The following ADAMTS3 variants were observed in gnomAD, a reference collection of about 807,000 sequenced individuals.
ADAMTS3 encodes the protein A disintegrin and metalloproteinase with thrombospondin motifs 3.
Under a neutral mutation model 129.0 loss-of-function variants are expected in ADAMTS3, and 73 were observed. That is an observed-to-expected ratio of 0.57 (90% CI 0.47 to 0.69). The LOEUF (loss-of-function observed/expected upper bound fraction) is 0.69, where lower values mean the gene tolerates loss of function less well. Among genes scored for constraint, ADAMTS3 ranks in the 30% least tolerant of loss-of-function variants. ADAMTS3 has a pLI of 0.00. For missense variants in ADAMTS3, 1,457 were observed against 1,514.5 expected (o/e 0.96, Z 0.63); for synonymous variants, 477 against 510.8 (o/e 0.93, Z 0.89).
rs552319413 is a variant in ADAMTS3 at position 72,522,803 on chromosome 4, T to C, written c.504+25675A>G. ...AAATGCTTAAAACATTTTTCAAAGG[T>C]TATAACCTTATAAAAGTTAATGCAT... On this transcript the variant is annotated intron_variant, in intron 3 of 21. Transcript: ENST00000286657. Among the ~76,000 whole-genome samples the C allele has an allele frequency of 3.3e-5, 5 of 152,200 alleles. No homozygotes were observed. The South Asian group carries it at 1.0e-3, about 32-fold the overall frequency.
intron 2 of ADAMTS3, among the ~76,000 whole-genome samples, chr4:72,561,538 T>C (rs932222665): frequency 1.6e-4 from 25 of 151,862 alleles, no homozygotes; most frequent in African/African-American, 5.8e-4. Context: ...GAACTTTACA[T>C]GTAAAAGAGA....
At chr4:72,352,887 T>G (rs1720479624) in intron 4 of ADAMTS3, among the ~76,000 whole-genome samples, 1 of 152,124 alleles carries the variant, frequency 6.6e-6, no homozygotes, top group Non-Finnish European at 1.5e-5. Flanking sequence ...ATATTTACAC[T>G]GGGAAATGCG....
At chr4:72,343,021 A>C (rs985026331) in intron 4 of ADAMTS3, among the ~76,000 whole-genome samples, 7 of 152,222 alleles carry the variant, frequency 4.6e-5, no homozygotes, top group African/African-American at 1.7e-4. Flanking sequence ...AAGGGCACCC[A>C]GATGGGGCTT....
chr4:72,495,073 G>A (rs561931423), intron 3 of ADAMTS3, among the ~76,000 whole-genome samples: 20 of 152,288 alleles, frequency 1.3e-4, no homozygotes, highest in South Asian at 2.1e-4. Context: ...AGCAATGTCC[G>A]GGTCTGGGAC....
At chr4:72,520,509 C>A (rs560977505) in intron 3 of ADAMTS3, among the ~76,000 whole-genome samples, 7 of 152,330 alleles carry the variant, frequency 4.6e-5, no homozygotes, top group African/African-American at 7.2e-5. Flanking sequence ...TGGAGCTTCC[C>A]GGCTGCTTTG....
intron 2 of ADAMTS3, among the ~76,000 whole-genome samples, chr4:72,550,059 AAGAG>A (rs1379362665): frequency 6.4e-5 from 1 of 15,612 alleles, no homozygotes; most frequent in Non-Finnish European, 1.4e-4. Flanking sequence ...GAGGAAGAGG[AAGAG>A]GAAGAGGAAG....
chr4:72,470,264 T>A (rs1330609735), intron 3 of ADAMTS3, among the ~76,000 whole-genome samples: 3 of 151,694 alleles, frequency 2.0e-5, no homozygotes, highest in African/African-American at 7.3e-5. Flanking sequence ...TACACTGACA[T>A]GATTCCTCTA....
intron 3 of ADAMTS3, among the ~76,000 whole-genome samples, chr4:72,485,771 T>C (rs1281614589): frequency 1.3e-5 from 2 of 152,158 alleles, no homozygotes; most frequent in Non-Finnish European, 2.9e-5. Flanking sequence ...ACCTAACCCT[T>C]ACGGTAATGA....
At chr4:72,318,007 C>T (rs541769079) in intron 10 of ADAMTS3, among the ~76,000 whole-genome samples, 80 of 149,954 alleles carry the variant, frequency 5.3e-4, no homozygotes, top group Admixed American at 1.7e-3. Context: ...CCAGCCTGGG[C>T]GACAGAGTGA....
chr4:72,322,878 TCTC>T (rs202048313), intron 6 of ADAMTS3, 133 bp downstream of exon 6: 13,062 of 612,308 alleles, frequency 0.021, 192 homozygotes, highest in Non-Finnish European at 0.027. Context: ...GGCAGTTTCT[TCTC>T]CTCAATTTCA....
chr4:72,326,514 G>A (rs1211575698), intron 5 of ADAMTS3, among the ~76,000 whole-genome samples: 1 of 151,970 alleles, frequency 6.6e-6, no homozygotes, highest in East Asian at 1.9e-4. Flanking sequence ...TTTGGCCACG[G>A]ATAAACTGAG....
At chr4:72,547,331 G>T (rs1721492830) in intron 3 of ADAMTS3, among the ~76,000 whole-genome samples, 1 of 152,148 alleles carries the variant, frequency 6.6e-6, no homozygotes, top group African/African-American at 2.4e-5. Flanking sequence ...GTTCTTGATT[G>T]TTCACACTGG....
Position 72,475,025 on chromosome 4 carries a change from T to TA in ADAMTS3, c.505-60055dup, listed in dbSNP as rs1553917385. 8.2e-5 allele frequency among the ~76,000 whole-genome samples: 11 copies of TA among 133,656 alleles called. No individual in the cohort carries two copies. In the South Asian group the frequency reaches 2.1e-3, roughly 25 times the overall value. 87.7% of individuals were successfully genotyped at this position (133,656 alleles called of 152,430 possible). A position where few individuals can be genotyped will look rare whatever the true frequency, so the allele number is the denominator to read the frequency against. ...CTGGGCGACAGAGCGAGACTCCGTC[T>TA]AAAAAAAAAAAAGAAAAAAGAATTC... On this transcript the variant is annotated intron_variant, in intron 3 of 21. Transcript: ENST00000286657.
At chr4:72,515,090 GT>G (rs779747759) in intron 3 of ADAMTS3, among the ~76,000 whole-genome samples, 2 of 152,076 alleles carry the variant, frequency 1.3e-5, no homozygotes, top group Non-Finnish European at 1.5e-5. Flanking sequence ...GCGGTGTTTG[GT>G]TTTTTGTCCT....
chr4:72,363,885 A>C (rs1720793418), intron 4 of ADAMTS3, among the ~76,000 whole-genome samples: 1 of 152,266 alleles, frequency 6.6e-6, no homozygotes, highest in Middle Eastern at 3.4e-3. Context: ...ATTCAGTGAA[A>C]GTTTGCCAGA....
At chr4:72,516,267 G>A (rs575500814) in intron 3 of ADAMTS3, among the ~76,000 whole-genome samples, 4 of 152,266 alleles carry the variant, frequency 2.6e-5, no homozygotes, top group African/African-American at 9.6e-5. Flanking sequence ...AAGTCAGGTA[G>A]CGTGATGCCT....
rs1429940091 is a variant in ADAMTS3, at chr4:72,486,799, A to AC, written c.504+61678dup. Among the ~76,000 whole-genome samples, 3 of 152,286 alleles carry AC rather than the reference A, an allele frequency of 2.0e-5. No homozygotes were observed. In the East Asian group the frequency reaches 5.8e-4, roughly 29 times the overall value. ...TAGAACAGCCAGAGTGCCAGCATGG[A>AC]CAGAATACTGCACCTTCATTCTCTG... On this transcript the variant is annotated intron_variant, in intron 3 of 21. Coordinates refer to ENST00000286657, the MANE Select transcript of ADAMTS3 (RefSeq NM_014243.3).
intron 4 of ADAMTS3, among the ~76,000 whole-genome samples, chr4:72,371,118 A>G (rs982828804): frequency 1.3e-5 from 2 of 152,132 alleles, no homozygotes; most frequent in African/African-American, 4.8e-5. Context: ...GGGAGACATC[A>G]GCAGATATTT....
intron 4 of ADAMTS3, among the ~76,000 whole-genome samples, chr4:72,367,897 T>C (rs967047691): frequency 6.6e-5 from 10 of 151,752 alleles, no homozygotes; most frequent in Admixed American, 5.3e-4. Flanking sequence ...AACGTTGCAA[T>C]TGTTTTAAAA....
Sources: gnomAD v4.1 joint callset for allele counts (sites outside exome capture counted in the v4.1 genomes callset) on GRCh38, gnomAD v4.1.1 for gene constraint, MANE v1.5 for transcripts, NCBI Gene and HGNC (gene_info 2026-07-23, HGNC 2026-07-21) for gene names.